Variants in PCDHA3 observed in about 807,000 individuals in gnomAD.
PCDHA3 encodes protocadherin alpha 3.
In PCDHA3, 41 loss-of-function variants were observed where a neutral mutation model predicts 62.2. That is an observed-to-expected ratio of 0.66 (90% CI 0.51 to 0.86). The LOEUF is 0.86. Among genes scored for constraint, PCDHA3 ranks in the 40% least tolerant of loss-of-function variants. The pLI is 0.00. For missense variants in PCDHA3, 1,304 were observed against 1,241.2 expected (o/e 1.05, Z -0.76); for synonymous variants, 640 against 555.4 (o/e 1.15, Z -2.14).
At chr5:140,964,753 T>A (rs1411001872) in intron 1 of PCDHA3, among the ~76,000 whole-genome samples, 1 of 149,084 alleles carries the variant, frequency 6.7e-6, no homozygotes, top group East Asian at 1.9e-4. Context: ...TGTAGGGATG[T>A]TTGGGGAGGA....
chr5:140,973,406 T>C (rs1205127002), intron 1 of PCDHA3, among the ~76,000 whole-genome samples: 1 of 152,240 alleles, frequency 6.6e-6, no homozygotes, highest in Non-Finnish European at 1.5e-5. Flanking sequence ...ATCTATGAGC[T>C]TCCACTCCAG....
chr5:140,981,489 G>A (rs1554242906), intron 2 of PCDHA3, among the ~76,000 whole-genome samples: 1 of 152,194 alleles, frequency 6.6e-6, no homozygotes, highest in Non-Finnish European at 1.5e-5. Flanking sequence ...CAGGAGAATT[G>A]CTTGAACCTG....
intron 1 of PCDHA3, chr5:140,884,515 G>T: frequency 6.2e-6 from 10 of 1,614,176 alleles, no homozygotes; most frequent in South Asian, 1.1e-5. Context: ...GGAGTTGGTC[G>T]TACTCGCAGC....
intron 1 of PCDHA3, among the ~76,000 whole-genome samples, chr5:140,934,108 T>C (rs574657499): frequency 6.6e-6 from 1 of 152,276 alleles, no homozygotes; most frequent in East Asian, 1.9e-4. Flanking sequence ...TCTATTTTAT[T>C]AATTTTCATA....
At chr5:140,841,592 G>C (rs2150318717) in intron 1 of PCDHA3, 1 of 1,614,096 alleles carries the variant, frequency 6.2e-7, no homozygotes, top group African/African-American at 1.3e-5. Context: ...TTCTCGGATC[G>C]ACCGCGAGGA....
chr5:140,927,674 A>T (rs201769803), intron 1 of PCDHA3: 1 of 1,614,182 alleles, frequency 6.2e-7, no homozygotes, highest in Non-Finnish European at 8.5e-7. Flanking sequence ...TTGGATCCAG[A>T]TGAAGGGTCC....
chr5:140,821,985 C>G (rs377051395), intron 1 of PCDHA3: 4 of 1,614,156 alleles, frequency 2.5e-6, no homozygotes, highest in Non-Finnish European at 3.4e-6. Context: ...CCAAGGGCCG[C>G]GGGGACCTTC....
intron 1 of PCDHA3, among the ~76,000 whole-genome samples, chr5:140,957,220 G>A (rs1356437193): frequency 2.6e-5 from 4 of 152,192 alleles, no homozygotes; most frequent in Non-Finnish European, 5.9e-5. Flanking sequence ...CAAAAATTTG[G>A]CGAAGCATTT....
chr5:140,802,989 G>T lies in PCDHA3; in HGVS notation c.1792G>T (p.Asp598Tyr). 2 of 1,614,030 alleles carry T rather than the reference G, an allele frequency of 1.2e-6. No individual in the cohort carries two copies. Among genetic ancestry groups the T allele is most frequent in the Non-Finnish European group, 1.7e-6 (2 of 1,179,930 alleles). ...GHVVAKVRAVDADSGYNAWLS... is the reference protein window; with the variant it reads ...GHVVAKVRAVYADSGYNAWLS... Reference sequence around the variant, plus strand: ...CGTGGTAGCGAAGGTGCGCGCAGTGGATGCAGACTCAGGCTACAACGCGTG... The same window carrying T: ...CGTGGTAGCGAAGGTGCGCGCAGTGTATGCAGACTCAGGCTACAACGCGTG... Residue 598 changes from aspartate (D) to tyrosine (Y), a missense_variant, in exon 1 of 4, where the codon GAT (aspartate) becomes TAT (tyrosine). Asp to Tyr is a radical substitution (Grantham distance 160). Transcript: ENST00000522353.
chr5:140,852,025 G>T, intron 1 of PCDHA3: 1 of 947,208 alleles, frequency 1.1e-6, no homozygotes. Flanking sequence ...TAAAAACTTC[G>T]CTTATTGAGT....
intron 3 of PCDHA3, among the ~76,000 whole-genome samples, chr5:141,001,099 C>A (rs1554258004): frequency 6.6e-6 from 1 of 151,694 alleles, no homozygotes; most frequent in African/African-American, 2.4e-5. Context: ...CTGTCTAATC[C>A]ATAATAAGCA....
chr5:140,810,034 C>T (rs1554125406), intron 1 of PCDHA3: 1 of 154,964 alleles, frequency 6.5e-6, no homozygotes, highest in African/African-American at 2.4e-5. Context: ...GCACATTTGC[C>T]TTTTATAACT....
chr5:140,953,871 A>G (rs2094944952), intron 1 of PCDHA3, among the ~76,000 whole-genome samples: 1 of 152,146 alleles, frequency 6.6e-6, no homozygotes, highest in African/African-American at 2.4e-5. Context: ...TTTGCTGCAC[A>G]GATCAACCCA....
At chr5:140,967,789 T>A (rs782032459) in intron 1 of PCDHA3, 2 of 1,614,076 alleles carry the variant, frequency 1.2e-6, no homozygotes, top group Non-Finnish European at 1.7e-6. Context: ...CTGACCGGGG[T>A]CCAGTGCCCA....
At chr5:140,843,615 C>T (rs111750019) in intron 1 of PCDHA3, 2 of 1,595,902 alleles carry the variant, frequency 1.3e-6, no homozygotes, top group Non-Finnish European at 1.7e-6. Flanking sequence ...GAGGGGCCAC[C>T]GAAGACGGAC....
At chr5:140,892,980 G>A (rs568292110) in intron 1 of PCDHA3, among the ~76,000 whole-genome samples, 4 of 152,030 alleles carry the variant, frequency 2.6e-5, no homozygotes, top group Admixed American at 6.6e-5. Context: ...TGTAGCTGCC[G>A]TATAAGTGAG....
intron 1 of PCDHA3, among the ~76,000 whole-genome samples, chr5:140,921,583 TA>T (rs2080282425): frequency 6.6e-6 from 1 of 152,200 alleles, no homozygotes; most frequent in South Asian, 2.1e-4. Flanking sequence ...GCTCATACTA[TA>T]TTATGGTTTC....
In PCDHA3 at chr5:140,801,865, C is replaced by T; in HGVS notation, c.668C>T (p.Thr223Ile). Reference sequence around the variant, plus strand: ...ATTGATGGTGGGAAACCAGAGCTCACTGGCACGACTCAACTAAAGATCACT... The same window carrying T: ...ATTGATGGTGGGAAACCAGAGCTCATTGGCACGACTCAACTAAAGATCACT... Reference protein sequence around the residue: ...TAIDGGKPELTGTTQLKITVL... With the variant: ...TAIDGGKPELIGTTQLKITVL... The change falls in exon 1 of 4, where the codon ACT (threonine) becomes ATT (isoleucine). Residue 223 changes from threonine (T) to isoleucine (I), a missense_variant. Coordinates refer to ENST00000522353, the MANE Select transcript of PCDHA3 (RefSeq NM_018906.3). 2.5e-6 allele frequency: 4 copies of T among 1,614,102 alleles called. No individual in the cohort carries two copies. The highest frequency in any genetic ancestry group is 3.4e-6 in the Non-Finnish European group (4 of 1,180,046).
Position 140,850,752 on chromosome 5 carries a change from C to G in PCDHA3, c.2394+47161C>G. On this transcript the variant is annotated intron_variant, in intron 1 of 3. Transcript: ENST00000522353. ...GGTGGGGAGTTGGTCGTACTCGCAG[C>G]AGAGGAGGCAGAGGGTGTGCTCTGG... is the stretch of plus-strand genomic sequence containing the variant. The G allele has an allele frequency of 1.3e-6, 2 of 1,597,900 alleles. 1 individual carries two copies. Among genetic ancestry groups the G allele is most frequent in the Non-Finnish European group, 1.7e-6 (2 of 1,167,560 alleles).
Sources: allele counts gnomAD v4.1 joint callset (sites outside exome capture counted in the v4.1 genomes callset), GRCh38; gene constraint gnomAD v4.1.1; transcripts MANE v1.5; gene names NCBI Gene and HGNC (gene_info 2026-07-23, HGNC 2026-07-21).